HIVEP3: variants seen among roughly 807,000 people sequenced by gnomAD.
The protein encoded by HIVEP3 is transcription factor HIVEP3.
In HIVEP3, 49 loss-of-function variants were observed where a neutral mutation model predicts 152.8. That is an observed-to-expected ratio of 0.32 (90% CI 0.26 to 0.41). The LOEUF is 0.41. HIVEP3 is among the 10% of genes least tolerant of loss of function. The pLI, the probability that HIVEP3 is intolerant of heterozygous loss-of-function variation, is 1.00. For synonymous variants in HIVEP3, 1,269 were observed against 1,289.0 expected (o/e 0.98, Z 0.33); for missense variants, 2,790 against 3,103.3 (o/e 0.90, Z 2.40).
chr1:41,766,014 C>T (rs571621238), intron 1 of HIVEP3, among the ~76,000 whole-genome samples: 1 of 152,340 alleles, frequency 6.6e-6, no homozygotes. Context: ...CTGCACTTGC[C>T]CCTAGCTGGG....
At chr1:41,590,460 C>T (rs910794355) in intron 3 of HIVEP3, among the ~76,000 whole-genome samples, 5 of 152,202 alleles carry the variant, frequency 3.3e-5, no homozygotes, top group African/African-American at 9.7e-5. Flanking sequence ...CCCTCCACCT[C>T]TCCATTTTGT....
chr1:41,766,373 T>C (rs1648008805), intron 1 of HIVEP3, among the ~76,000 whole-genome samples: 1 of 152,238 alleles, frequency 6.6e-6, no homozygotes, highest in Non-Finnish European at 1.5e-5. Flanking sequence ...CAAAGAATTA[T>C]TCAGCCAAAA....
chr1:41,743,631 G>A (rs934416966), intron 1 of HIVEP3, among the ~76,000 whole-genome samples: 3 of 152,110 alleles, frequency 2.0e-5, no homozygotes, highest in East Asian at 1.9e-4. Flanking sequence ...TGGAGATGAC[G>A]CTCAGGGACT....
intron 1 of HIVEP3, among the ~76,000 whole-genome samples, chr1:41,881,682 T>C (rs1248070772): frequency 6.6e-6 from 1 of 152,234 alleles, no homozygotes; most frequent in Non-Finnish European, 1.5e-5. Flanking sequence ...TCTGTTCTTA[T>C]TGTAGAGTAT....
chr1:41,708,788 A>T (rs1157275263), intron 1 of HIVEP3, among the ~76,000 whole-genome samples: 1 of 152,214 alleles, frequency 6.6e-6, no homozygotes, highest in African/African-American at 2.4e-5. Flanking sequence ...TCTGGCACCA[A>T]AACTGCAAAC....
At chr1:42,027,985 T>C (rs1365967444) in intron 1 of HIVEP3, among the ~76,000 whole-genome samples, 1 of 152,080 alleles carries the variant, frequency 6.6e-6, no homozygotes, top group African/African-American at 2.4e-5. Flanking sequence ...ACCATATCAG[T>C]AGGGAATGCT....
At chr1:41,637,375 GGCTTTGTCTATGTATCAA>G (rs1353721766) in intron 2 of HIVEP3, among the ~76,000 whole-genome samples, 4 of 152,202 alleles carry the variant, frequency 2.6e-5, no homozygotes, top group African/African-American at 9.7e-5. Context: ...GATTCATTGT[GGCTTTGTCTATGTATCAA>G]GCTTTGTCTA....
At chr1:41,897,360 G>C (rs914534920) in intron 1 of HIVEP3, among the ~76,000 whole-genome samples, 1 of 152,194 alleles carries the variant, frequency 6.6e-6, no homozygotes, top group Admixed American at 6.5e-5. Context: ...CCTAATACCA[G>C]TGTGATAGAA....
At position 41,662,487 on chromosome 1, in the gene HIVEP3, C is replaced by A. The variant is rs1645731949; in HGVS notation, c.-720-33540G>T. ...TTTCCTGTCGCCGAGCACGGGGACCCCGCCGCCGGCCCGGGGCGCCTCTCC... is the reference window on the plus strand; with the variant it reads ...TTTCCTGTCGCCGAGCACGGGGACCACGCCGCCGGCCCGGGGCGCCTCTCC... On this transcript the variant is annotated intron_variant, in intron 2 of 8. Transcript: ENST00000372583. The surrounding 1 kb of genome is among the most constrained non-coding windows in gnomAD (Gnocchi z 7.2). Among the ~76,000 whole-genome samples the A allele has an allele frequency of 6.6e-6, 1 of 151,460 alleles. No homozygotes were observed. The highest frequency in any genetic ancestry group is 1.5e-5 in the Non-Finnish European group (1 of 67,772).
intron 5 of HIVEP3, among the ~76,000 whole-genome samples, chr1:41,568,173 C>T (rs538678667): frequency 3.9e-4 from 60 of 152,338 alleles, no homozygotes; most frequent in African/African-American, 1.4e-3. Context: ...GAAACAGAAG[C>T]ACACTAGTAA....
chr1:41,562,601 TTCTCTCTC>T lies in HIVEP3; in HGVS notation c.5207+12935_5207+12942del, dbSNP rs72509109. Among the ~76,000 whole-genome samples, 655 of 126,204 alleles carry T rather than the reference TTCTCTCTC, an allele frequency of 5.2e-3. 8 individuals are homozygous for T. The highest frequency in any genetic ancestry group is 0.018 in the African/African-American group (573 of 32,512). 82.8% of individuals were successfully genotyped at this position (126,204 alleles called of 152,430 possible). ...TTCCTTCCTTCCTTCCTTCCTTTCT[TTCTCTCTC>T]TCTCTCTCTCTCTCTCTCTCTCTCC... is the stretch of plus-strand genomic sequence containing the variant. On this transcript the variant is annotated intron_variant, in intron 5 of 8. Transcript: ENST00000372583.
At chr1:41,867,110 A>C (rs1421255716) in intron 1 of HIVEP3, among the ~76,000 whole-genome samples, 2 of 151,924 alleles carry the variant, frequency 1.3e-5, no homozygotes, top group Admixed American at 1.3e-4. Flanking sequence ...GCTATTGGGC[A>C]CTCTCCCTCT....
intron 1 of HIVEP3, among the ~76,000 whole-genome samples, chr1:42,002,988 T>C (rs866353024): frequency 5.3e-5 from 8 of 152,236 alleles, no homozygotes; most frequent in Non-Finnish European, 1.0e-4. Flanking sequence ...TATTATCTTT[T>C]AGAGATTTCT....
At chr1:41,802,915 A>G (rs1304080895) in intron 1 of HIVEP3, among the ~76,000 whole-genome samples, 1 of 152,224 alleles carries the variant, frequency 6.6e-6, no homozygotes, top group Non-Finnish European at 1.5e-5. Context: ...TCCCAGAGAG[A>G]GGCATTGCCA....
At chr1:41,802,092 T>G (rs1432910441) in intron 1 of HIVEP3, among the ~76,000 whole-genome samples, 1 of 152,230 alleles carries the variant, frequency 6.6e-6, no homozygotes, top group African/African-American at 2.4e-5. Context: ...AATGCTGGAC[T>G]GGTATCATGT....
Position 41,635,563 on chromosome 1 carries a change from TAC to T in HIVEP3, c.-720-6618_-720-6617del, listed in dbSNP as rs1357462478. ...ATATGTATGTATATATACATACATA[TAC>T]ATACGTATGTATATATACATACATA... On this transcript the variant is annotated intron_variant, in intron 2 of 8. Coordinates refer to ENST00000372583, the MANE Select transcript of HIVEP3 (RefSeq NM_024503.5). 4.9e-5 allele frequency among the ~76,000 whole-genome samples: 2 copies of T among 40,710 alleles called. 1 individual carries two copies. Among genetic ancestry groups the T allele is most frequent in the African/African-American group, 3.9e-4 (2 of 5,092 alleles). The allele number at this position is 40,710 out of a possible 152,430, so 26.7% of individuals were successfully genotyped here.
chr1:41,652,308 T>C (rs1645563324), intron 2 of HIVEP3, among the ~76,000 whole-genome samples: 1 of 152,236 alleles, frequency 6.6e-6, no homozygotes, highest in African/African-American at 2.4e-5. Flanking sequence ...TATTTATCCT[T>C]TGCTTCATTT....
chr1:41,560,721 A>G (rs1644047375), intron 5 of HIVEP3, among the ~76,000 whole-genome samples: 1 of 152,194 alleles, frequency 6.6e-6, no homozygotes, highest in African/African-American at 2.4e-5. Flanking sequence ...CCCTCCTCCA[A>G]GAGACTCCAG....
intron 1 of HIVEP3, among the ~76,000 whole-genome samples, chr1:41,986,562 T>A (rs1645324590): frequency 1.3e-5 from 2 of 149,784 alleles, no homozygotes; most frequent in Admixed American, 1.3e-4. Flanking sequence ...TGCCTCAGCC[T>A]CCCAAGTAGC....
Sources: allele counts gnomAD v4.1 joint callset (sites outside exome capture counted in the v4.1 genomes callset), GRCh38; gene constraint gnomAD v4.1.1; non-coding constraint Gnocchi (gnomAD v3.1); transcripts MANE v1.5; gene names NCBI Gene and HGNC (gene_info 2026-07-23, HGNC 2026-07-21).